TTC3: variants seen among roughly 807,000 people sequenced by gnomAD.
TTC3 encodes tetratricopeptide repeat domain 3.
TTC3 carries 180 observed loss-of-function variants against 249.6 expected under a neutral mutation model. The ratio of observed to expected loss-of-function variants is 0.72; its 90% CI spans 0.64 to 0.82. TTC3 has a LOEUF of 0.82. Ranked by LOEUF, TTC3 falls within the 40% of genes least tolerant of loss-of-function variation. The pLI is 0.00. For missense variants in TTC3, 2,061 were observed against 2,398.4 expected (o/e 0.86, Z 2.94); for synonymous variants, 717 against 805.0 (o/e 0.89, Z 1.85).
intron 10 of TTC3, among the ~76,000 whole-genome samples, chr21:37,104,688 G>C (rs2147778223): frequency 6.6e-6 from 1 of 152,220 alleles, no homozygotes; most frequent in South Asian, 2.1e-4. Flanking sequence ...TCAAAGGAGG[G>C]TTTGGATGGG....
chr21:37,130,910 A>G (rs781174630), intron 16 of TTC3, among the ~76,000 whole-genome samples: 17 of 152,272 alleles, frequency 1.1e-4, no homozygotes, highest in Middle Eastern at 3.4e-3. Flanking sequence ...AATGTATAGA[A>G]GTTGTTTCTG....
intron 11 of TTC3, among the ~76,000 whole-genome samples, chr21:37,113,148 C>G (rs1363976557): frequency 6.6e-6 from 1 of 152,234 alleles, no homozygotes; most frequent in African/African-American, 2.4e-5. Flanking sequence ...GGGATGCCCT[C>G]TCTCACCACT....
At position 37,088,152 on chromosome 21, in the gene TTC3, A is replaced by T. The variant is rs1018621541; in HGVS notation, c.188-44A>T. 2.7e-6 allele frequency: 4 copies of T among 1,472,198 alleles called. No individual in the cohort carries two copies. The African/African-American group carries it at 5.7e-5, about 21-fold the overall frequency. The allele number at this position is 1,472,198 out of a possible 1,614,324, so 91.2% of individuals were successfully genotyped here. ...ACTATTAAGTGTTGATTCATTAAAA[A>T]AATGAGGCACAAACATTAATTTTAA... On this transcript the variant is annotated intron_variant, in intron 3 of 45. Coordinates refer to ENST00000355666, the Ensembl canonical transcript of TTC3.
intron 35 of TTC3, among the ~76,000 whole-genome samples, chr21:37,174,178 A>G (rs1448380007): frequency 1.3e-5 from 2 of 152,168 alleles, no homozygotes; most frequent in Admixed American, 1.3e-4. Context: ...TTGTACAGTC[A>G]GTCCAGAAGA....
intron 39 of TTC3, among the ~76,000 whole-genome samples, chr21:37,190,112 G>A (rs2083847371): frequency 8.2e-6 from 1 of 121,808 alleles, no homozygotes; most frequent in African/African-American, 3.0e-5. Context: ...CAGTTTTAGT[G>A]TATAGTTCTT....
exon 9 of TTC3, chr21:37,095,426 C>T (rs536134897): frequency 6.3e-7 from 1 of 1,599,210 alleles, no homozygotes. Flanking sequence ...ATCTATTACA[C>T]CAGAGCCATT....
At chr21:37,081,631 C>T (rs2071674540) in intron 1 of TTC3, 1 of 152,104 alleles carries the variant, frequency 6.6e-6, no homozygotes, top group Non-Finnish European at 1.5e-5. Context: ...TTAGTCTCTT[C>T]TCTCCTGCTG....
chr21:37,102,822 C>A (rs537976961), intron 10 of TTC3, among the ~76,000 whole-genome samples: 2 of 152,216 alleles, frequency 1.3e-5, no homozygotes, highest in South Asian at 4.1e-4. Flanking sequence ...CATGGTGAAA[C>A]CCTGTCTGTA....
chr21:37,188,440 A>G (rs118077599), intron 38 of TTC3, 55 bp from the exon 39 acceptor site: 7 of 1,396,746 alleles, frequency 5.0e-6, no homozygotes, highest in Non-Finnish European at 6.0e-6. Context: ...AACCTTTAAA[A>G]TAGTTTCAGG....
At chr21:37,157,557 A>G (rs1001896344) in intron 28 of TTC3, among the ~76,000 whole-genome samples, 2 of 152,202 alleles carry the variant, frequency 1.3e-5, no homozygotes, top group African/African-American at 4.8e-5. Context: ...CAAGGGCATC[A>G]AAGGAAGGAC....
At chr21:37,181,973 G>A (rs2082803333) in intron 35 of TTC3, among the ~76,000 whole-genome samples, 1 of 152,084 alleles carries the variant, frequency 6.6e-6, no homozygotes, top group Non-Finnish European at 1.5e-5. Flanking sequence ...TGTGAAGTTA[G>A]GATTTCATTA....
chr21:37,077,604 T>C (rs562872728), intron 1 of TTC3, among the ~76,000 whole-genome samples: 2 of 152,368 alleles, frequency 1.3e-5, no homozygotes, highest in East Asian at 1.9e-4. Flanking sequence ...ACACTTGTTA[T>C]TGTCAGACTT....
exon 27 of TTC3, chr21:37,153,190 A>G (rs2079647842): frequency 6.2e-7 from 1 of 1,614,198 alleles, no homozygotes; most frequent in Non-Finnish European, 8.5e-7. Flanking sequence ...TAACAGAGTA[A>G]AGACAAGAAT....
At chr21:37,112,317 G>A (rs2147818868) in intron 11 of TTC3, among the ~76,000 whole-genome samples, 1 of 152,244 alleles carries the variant, frequency 6.6e-6, no homozygotes, top group Non-Finnish European at 1.5e-5. Flanking sequence ...TAAGAAAAGA[G>A]AGAAGAATCA....
intron 37 of TTC3, among the ~76,000 whole-genome samples, chr21:37,186,319 G>A (rs1031551524): frequency 6.6e-6 from 1 of 152,060 alleles, no homozygotes; most frequent in Non-Finnish European, 1.5e-5. Context: ...TCCCATCCCG[G>A]TTTTTGAATA....
chr21:37,073,432 C>T, intron 1 of TTC3: 1 of 986,666 alleles, frequency 1.0e-6, no homozygotes, highest in Non-Finnish European at 1.2e-6. Flanking sequence ...AGCCGAGATG[C>T]CGGGGGAGCG....
At chr21:37,127,151 A>G (rs1475528523) in intron 15 of TTC3, among the ~76,000 whole-genome samples, 1 of 152,108 alleles carries the variant, frequency 6.6e-6, no homozygotes, top group Non-Finnish European at 1.5e-5. Flanking sequence ...CACCACGCCC[A>G]GCCTGGGGTC....
At chr21:37,156,808 C>T (rs763787142) in exon 28 of TTC3, 1 of 1,614,088 alleles carries the variant, frequency 6.2e-7, no homozygotes, top group African/African-American at 1.3e-5. Context: ...GAGCCAGCAT[C>T]ATTGAAGGAA....
At chr21:37,090,379 A>C in intron 6 of TTC3, 93 bp downstream of exon 6, 1 of 1,201,206 alleles carries the variant, frequency 8.3e-7, no homozygotes, top group African/African-American at 1.5e-5. Context: ...CCATACACTC[A>C]ATGTTCTATA....
Sources: gnomAD v4.1 joint callset for allele counts (sites outside exome capture counted in the v4.1 genomes callset) on GRCh38, gnomAD v4.1.1 for gene constraint, MANE v1.5 for transcripts, NCBI Gene and HGNC (gene_info 2026-07-23, HGNC 2026-07-21) for gene names.